The following ALX4 variants were observed in gnomAD, a reference collection of about 807,000 sequenced individuals.
ALX4 encodes the protein homeobox protein aristaless-like 4.
In ALX4, 22 loss-of-function variants were observed where a neutral mutation model predicts 40.6. The observed-to-expected ratio is 0.54, with a 90% CI of 0.39 to 0.77. The LOEUF (loss-of-function observed/expected upper bound fraction) is 0.77. ALX4 is among the 30% of genes least tolerant of loss of function. ALX4 has a pLI of 0.00. For synonymous variants in ALX4, 266 were observed against 240.5 expected, an observed-to-expected ratio of 1.11 and a Z score of -0.98; for missense variants, 556 against 564.8, an observed-to-expected ratio of 0.98 and a Z score of 0.16.
chr11:44,302,239 G>T (rs1956438891), intron 1 of ALX4, among the ~76,000 whole-genome samples: 1 of 151,984 alleles, frequency 6.6e-6, no homozygotes, highest in South Asian at 2.1e-4. Flanking sequence ...ACAAGTGCCA[G>T]AGGACAGACA....
Position 44,310,084 on chromosome 11 carries a change from G to GGCGGGGACGCGA in ALX4, c.-34_-23dup. 1 of 1,564,602 alleles carries GGCGGGGACGCGA rather than the reference G, an allele frequency of 6.4e-7. No individual in the cohort carries two copies. Among genetic ancestry groups the GGCGGGGACGCGA allele is most frequent in the East Asian group, 2.3e-5 (1 of 42,908 alleles). ...TCATGCCTGGCTTGCGCAGGCGGCGGGCGGGGACGCGAGCGAGGGCGCGAG... is the reference window on the plus strand; with the variant it reads ...TCATGCCTGGCTTGCGCAGGCGGCGGGCGGGGACGCGAGCGGGGACGCGAGCGAGGGCGCGAG... On this transcript the variant is annotated 5_prime_UTR_variant, in exon 1 of 4. Coordinates refer to ENST00000652299, the MANE Select transcript of ALX4 (RefSeq NM_021926.4).
In ALX4 at chr11:44,309,963, A is replaced by G. The variant is rs1435259531; in HGVS notation, c.100T>C (p.Phe34Leu). ...VSQSREGSSP[F>L]RAFPGGDKFG... is the part of the protein sequence containing the mutation. ...TTGTCGCCTCCGGGAAATGCCCTAAAAGGCGACGAGCCCTCCCGACTCTGC... is the reference window on the plus strand; with the variant it reads ...TTGTCGCCTCCGGGAAATGCCCTAAGAGGCGACGAGCCCTCCCGACTCTGC... Residue 34 changes from phenylalanine (F) to leucine (L), a missense_variant, in exon 1 of 4, where the codon TTT becomes CTT. Coordinates refer to ENST00000652299, the MANE Select transcript of ALX4 (RefSeq NM_021926.4). 1 of 1,595,786 alleles carries G rather than the reference A, an allele frequency of 6.3e-7. No homozygotes were observed.
At chr11:44,299,502 AG>A (rs1382955630) in intron 1 of ALX4, among the ~76,000 whole-genome samples, 2 of 151,802 alleles carry the variant, frequency 1.3e-5, no homozygotes, top group Non-Finnish European at 2.9e-5. Context: ...CTGGGACTAC[AG>A]GCGCCCGCCA....
chr11:44,295,988 C>T (rs1956400601), intron 1 of ALX4, among the ~76,000 whole-genome samples: 1 of 152,198 alleles, frequency 6.6e-6, no homozygotes, highest in Non-Finnish European at 1.5e-5. Context: ...ACAAATGTGT[C>T]CTTGAGCTGA....
At chr11:44,277,964 G>A (rs1177945681) in intron 1 of ALX4, among the ~76,000 whole-genome samples, 2 of 151,950 alleles carry the variant, frequency 1.3e-5, no homozygotes, top group African/African-American at 4.8e-5. Flanking sequence ...AGAGCTTTCA[G>A]CAAAGATATT....
intron 1 of ALX4, among the ~76,000 whole-genome samples, chr11:44,293,052 T>C (rs895890281): frequency 6.7e-6 from 1 of 149,998 alleles, no homozygotes; most frequent in African/African-American, 2.5e-5. Flanking sequence ...TGGGCCATGA[T>C]TTAGCCATTG....
intron 1 of ALX4, among the ~76,000 whole-genome samples, chr11:44,309,352 C>G (rs551217900): frequency 5.9e-5 from 9 of 152,230 alleles, no homozygotes; most frequent in African/African-American, 1.9e-4. Context: ...GCCGAAGGGA[C>G]CGGGAAAAAC....
At chr11:44,292,048 A>G (rs1956372764) in intron 1 of ALX4, among the ~76,000 whole-genome samples, 1 of 149,526 alleles carries the variant, frequency 6.7e-6, no homozygotes, top group Admixed American at 6.6e-5. Context: ...TGAACTCCTG[A>G]CCTCGAGATC....
intron 2 of ALX4, among the ~76,000 whole-genome samples, chr11:44,272,276 T>TG (rs11428434): frequency 0.95 from 144,412 of 152,206 alleles, 68,686 homozygotes; most frequent in East Asian, 1. Context: ...GAGGCTGAGG[T>TG]GGTGGATCAC....
chr11:44,306,062 G>A (rs909282801), intron 1 of ALX4, among the ~76,000 whole-genome samples: 7 of 152,148 alleles, frequency 4.6e-5, no homozygotes, highest in Non-Finnish European at 4.4e-5. Flanking sequence ...TGGCCCAGGC[G>A]GCCCGCCCTG....
At chr11:44,299,694 C>T (rs940240631) in intron 1 of ALX4, among the ~76,000 whole-genome samples, 1 of 152,114 alleles carries the variant, frequency 6.6e-6, no homozygotes, top group Non-Finnish European at 1.5e-5. Context: ...TGTCTTTCAT[C>T]TCCACATCAT....
At chr11:44,275,715 G>C (rs957960219) in intron 1 of ALX4, 57 bp from the exon 2 acceptor site, 31 of 1,557,744 alleles carry the variant, frequency 2.0e-5, no homozygotes, top group Admixed American at 7.1e-5. Flanking sequence ...AAGAGAAGGG[G>C]AATGTCAGGG....
At chr11:44,275,218 G>A in intron 2 of ALX4, 130 bp downstream of exon 2, 1 of 942,790 alleles carries the variant, frequency 1.1e-6, no homozygotes, top group Non-Finnish European at 1.7e-6. Context: ...CCCACTTTCA[G>A]GTTCTCAATG....
At position 44,266,850 on chromosome 11, in the gene ALX4, G is replaced by T. The variant is rs1429892225; in HGVS notation, c.906+644C>A. Among the ~76,000 whole-genome samples, 3 of 152,288 alleles carry T rather than the reference G, an allele frequency of 2.0e-5. No homozygotes were observed. In the South Asian group the frequency reaches 6.2e-4, roughly 32 times the overall value. ...CAGACACCTAGGGAAAATGCTCTGG[G>T]GGGAGGGGAGGACAGGGCCCCAGAA... On this transcript the variant is annotated intron_variant, in intron 3 of 3. Coordinates refer to ENST00000652299, the MANE Select transcript of ALX4 (RefSeq NM_021926.4).
At chr11:44,274,139 C>G (rs1956264084) in intron 2 of ALX4, among the ~76,000 whole-genome samples, 1 of 151,952 alleles carries the variant, frequency 6.6e-6, no homozygotes, top group Non-Finnish European at 1.5e-5. Context: ...GACCCTGTCT[C>G]TAAAAAGAAA....
intron 1 of ALX4, among the ~76,000 whole-genome samples, chr11:44,288,502 T>G (rs1048690852): frequency 2.0e-5 from 3 of 152,234 alleles, no homozygotes; most frequent in Admixed American, 1.3e-4. Flanking sequence ...TGTAATCATT[T>G]GAACAGGACC....
chr11:44,304,944 C>T (rs1352514452), intron 1 of ALX4, among the ~76,000 whole-genome samples: 1 of 152,232 alleles, frequency 6.6e-6, no homozygotes, highest in African/African-American at 2.4e-5. Flanking sequence ...CCGCTTGGAA[C>T]TTCGCATTAG....
Position 44,289,156 on chromosome 11 carries a change from G to C in ALX4, c.467-13498C>G, listed in dbSNP as rs983449938. 2.1e-4 allele frequency among the ~76,000 whole-genome samples: 32 copies of C among 152,210 alleles called. 1 individual carries two copies. Among genetic ancestry groups the C allele is most frequent in the Admixed American group, 2.0e-3 (30 of 15,284 alleles). The stretch of plus-strand genomic sequence containing the variant: ...CAGAAAGGAGCGGTCAATTTTGGTT[G>C]AAAAGGTCGGAGAAGGCCTCTGCAA... On this transcript the variant is annotated intron_variant, in intron 1 of 3. Coordinates refer to ENST00000652299, the MANE Select transcript of ALX4 (RefSeq NM_021926.4).
chr11:44,301,752 C>G (rs1169375133), intron 1 of ALX4, among the ~76,000 whole-genome samples: 1 of 152,192 alleles, frequency 6.6e-6, no homozygotes, highest in Non-Finnish European at 1.5e-5. Context: ...GGTTCCTGCC[C>G]TCCTACTAAC....
Sources: gnomAD v4.1 joint callset for allele counts (sites outside exome capture counted in the v4.1 genomes callset) on GRCh38, gnomAD v4.1.1 for gene constraint, MANE v1.5 for transcripts, NCBI Gene and HGNC (gene_info 2026-07-23, HGNC 2026-07-21) for gene names.